The following ESCO1 variants were observed in gnomAD, a reference collection of about 807,000 sequenced individuals.
The protein encoded by ESCO1 is N-acetyltransferase ESCO1.
Under a neutral mutation model 83.5 loss-of-function variants are expected in ESCO1, and 33 were observed. That is an observed-to-expected ratio of 0.40 (90% CI 0.30 to 0.53). The LOEUF (loss-of-function observed/expected upper bound fraction) is 0.53, where lower values mean the gene tolerates loss of function less well. Among genes scored for constraint, ESCO1 ranks in the 20% least tolerant of loss-of-function variants. The pLI, the probability that ESCO1 is intolerant of heterozygous loss-of-function variation, is 0.63. For synonymous variants in ESCO1, 332 were observed against 324.3 expected, an observed-to-expected ratio of 1.02 and a Z score of -0.25; for missense variants, 855 against 968.0, an observed-to-expected ratio of 0.88 and a Z score of 1.55.
chr18:21,576,746 C>T (rs1475108425), intron 2 of ESCO1, among the ~76,000 whole-genome samples: 1 of 151,962 alleles, frequency 6.6e-6, no homozygotes, highest in Non-Finnish European at 1.5e-5. Flanking sequence ...GAAAATAGGA[C>T]TCAAAAGGCC....
chr18:21,567,502 G>C (rs1478803176), intron 5 of ESCO1, among the ~76,000 whole-genome samples: 3 of 151,832 alleles, frequency 2.0e-5, no homozygotes, highest in Non-Finnish European at 4.4e-5. Flanking sequence ...AGTTCACAAG[G>C]TTCCAAAACT....
At chr18:21,556,352 C>T (rs2038112369) in intron 8 of ESCO1, among the ~76,000 whole-genome samples, 1 of 152,086 alleles carries the variant, frequency 6.6e-6, no homozygotes, top group Admixed American at 6.6e-5. Context: ...CCTCTTTTTC[C>T]TAACAATCTT....
intron 8 of ESCO1, chr18:21,540,673 C>T: frequency 1.5e-6 from 2 of 1,316,888 alleles, no homozygotes; most frequent in Non-Finnish European, 2.0e-6. Context: ...TCTTCAGATC[C>T]ACACTCGTGG....
chr18:21,598,916 A>G lies in ESCO1; in HGVS notation c.-825+1707T>C, dbSNP rs553980614. The stretch of plus-strand genomic sequence containing the variant: ...AAAAGGGAAAAAGTGGCTCTATTAC[A>G]GTCCTAGTTTCCTCATTTCCTCACA... On this transcript the variant is annotated intron_variant, in intron 1 of 11. Transcript: ENST00000269214. Among the ~76,000 whole-genome samples the G allele has an allele frequency of 2.0e-5, 3 of 152,264 alleles. No individual in the cohort carries two copies. In the East Asian group the frequency reaches 5.8e-4, roughly 29 times the overall value.
chr18:21,564,429 C>T (rs1242544100), intron 6 of ESCO1, 112 bp from the exon 7 acceptor site: 22 of 740,096 alleles, frequency 3.0e-5, no homozygotes, highest in Middle Eastern at 4.3e-4. Flanking sequence ...CTCACTCTGT[C>T]GCCCAGGCTG....
intron 4 of ESCO1, among the ~76,000 whole-genome samples, chr18:21,569,583 TA>T (rs1423277547): frequency 6.6e-6 from 1 of 152,084 alleles, no homozygotes; most frequent in East Asian, 1.9e-4. Context: ...CCGTCTCTAC[TA>T]AAAAACAAAA....
intron 2 of ESCO1, among the ~76,000 whole-genome samples, chr18:21,579,406 G>A (rs576485990): frequency 1.3e-5 from 2 of 151,968 alleles, no homozygotes; most frequent in Non-Finnish European, 2.9e-5. Context: ...AGGCTGCAGT[G>A]AACTACGATC....
chr18:21,549,896 G>A lies in ESCO1; in HGVS notation c.1954-9887C>T, dbSNP rs193081622. On this transcript the variant is annotated intron_variant, in intron 8 of 11. Coordinates refer to ENST00000269214, the MANE Select transcript of ESCO1 (RefSeq NM_052911.3). Reference sequence around the variant, plus strand: ...GCACGAGAACTGCTTGAACCCAGGAGACAGAGGTGGCAGTGAGCCAAGATC... The same window carrying A: ...GCACGAGAACTGCTTGAACCCAGGAAACAGAGGTGGCAGTGAGCCAAGATC... Among the ~76,000 whole-genome samples the A allele has an allele frequency of 2.9e-3, 432 of 151,262 alleles. 3 individuals carry two copies. The highest frequency in any genetic ancestry group is 6.8e-3 in the Middle Eastern group (2 of 292).
intron 8 of ESCO1, among the ~76,000 whole-genome samples, chr18:21,551,619 A>T (rs541830870): frequency 6.6e-6 from 1 of 152,352 alleles, no homozygotes; most frequent in South Asian, 2.1e-4. Context: ...TTGCTGGAAC[A>T]AAGAGAAACC....
At chr18:21,551,589 A>G (rs943737020) in intron 8 of ESCO1, among the ~76,000 whole-genome samples, 1 of 152,260 alleles carries the variant, frequency 6.6e-6, no homozygotes, top group Non-Finnish European at 1.5e-5. Context: ...CCACAGACAG[A>G]GGACAAGGAG....
rs2038229186 is a variant in ESCO1, at chr18:21,564,296, A to C, written c.1728T>G (p.Ser576=). ...CCAAATGGGAATTACACTTAGGCAA[A>C]GAATGATTTCGTGGTGTCTCCCTTA... The part of the protein sequence containing the change: ...SDNRETPRNH[S]LPKCNSHLEI... Residue 576 remains serine (S), a synonymous_variant, in exon 7 of 12, where the codon TCT becomes TCG. Coordinates refer to ENST00000269214, the MANE Select transcript of ESCO1 (RefSeq NM_052911.3). 6.2e-7 allele frequency: 1 copy of C among 1,610,210 alleles called. No homozygotes were observed. The highest frequency in any genetic ancestry group is 8.5e-7 in the Non-Finnish European group (1 of 1,178,412).
intron 8 of ESCO1, among the ~76,000 whole-genome samples, chr18:21,550,969 G>A (rs545855663): frequency 3.3e-5 from 5 of 151,000 alleles, no homozygotes; most frequent in East Asian, 3.9e-4. Context: ...AAAATTAGCC[G>A]GGCATGGTGG....
At chr18:21,535,063 G>A (rs890586764) in intron 10 of ESCO1, among the ~76,000 whole-genome samples, 2 of 152,098 alleles carry the variant, frequency 1.3e-5, no homozygotes, top group African/African-American at 2.4e-5. Flanking sequence ...GTTGGTGGGC[G>A]ACAATAAAAT....
At chr18:21,585,321 C>T (rs1019393830) in intron 1 of ESCO1, among the ~76,000 whole-genome samples, 1 of 152,122 alleles carries the variant, frequency 6.6e-6, no homozygotes, top group African/African-American at 2.4e-5. Context: ...TCGGTGGGGA[C>T]AGAGTATCTA....
intron 11 of ESCO1, among the ~76,000 whole-genome samples, chr18:21,530,842 GAGA>G (rs1215474940): frequency 2.6e-5 from 4 of 152,154 alleles, no homozygotes; most frequent in Non-Finnish European, 5.9e-5. Context: ...TCAGGAATAA[GAGA>G]AGACTACTCT....
intron 6 of ESCO1, among the ~76,000 whole-genome samples, chr18:21,565,307 T>C (rs943468822): frequency 6.6e-6 from 1 of 152,226 alleles, no homozygotes; most frequent in Non-Finnish European, 1.5e-5. Flanking sequence ...GTCAGATCTA[T>C]TTAATTCTGA....
chr18:21,589,744 G>T (rs537136155), intron 1 of ESCO1, among the ~76,000 whole-genome samples: 1 of 152,120 alleles, frequency 6.6e-6, no homozygotes, highest in East Asian at 1.9e-4. Context: ...AAGCAAAGAC[G>T]GCAAAGTCTA....
intron 1 of ESCO1, among the ~76,000 whole-genome samples, chr18:21,590,183 C>T (rs1201615593): frequency 6.6e-6 from 1 of 151,424 alleles, no homozygotes; most frequent in Non-Finnish European, 1.5e-5. Flanking sequence ...CCTTATACTG[C>T]TGATCACTTC....
At chr18:21,593,412 AC>A (rs1467350808) in intron 1 of ESCO1, 2 of 154,978 alleles carry the variant, frequency 1.3e-5, no homozygotes, top group African/African-American at 4.8e-5. Context: ...ACACAGCGAA[AC>A]CCCGTCTCCA....
Sources: allele counts gnomAD v4.1 joint callset (sites outside exome capture counted in the v4.1 genomes callset), GRCh38; gene constraint gnomAD v4.1.1; transcripts MANE v1.5; gene names NCBI Gene and HGNC (gene_info 2026-07-23, HGNC 2026-07-21).